The following TTBK2 variants were observed in gnomAD, a reference collection of about 807,000 sequenced individuals.
TTBK2 encodes tau-tubulin kinase 2.
TTBK2 carries 28 observed loss-of-function variants against 110.8 expected under a neutral mutation model. The ratio of observed to expected loss-of-function variants is 0.25; its 90% CI spans 0.19 to 0.35. The LOEUF is 0.35. Among genes scored for constraint, TTBK2 ranks in the 10% least tolerant of loss-of-function variants. TTBK2 has a pLI of 1.00. For synonymous variants in TTBK2, 532 were observed against 527.3 expected, an observed-to-expected ratio of 1.01 and a Z score of -0.12; for missense variants, 1,369 against 1,500.3, an observed-to-expected ratio of 0.91 and a Z score of 1.45.
chr15:42,911,702 G>C (rs899225269), intron 1 of TTBK2, among the ~76,000 whole-genome samples: 3 of 152,162 alleles, frequency 2.0e-5, no homozygotes, highest in Non-Finnish European at 4.4e-5. Flanking sequence ...CCAACCCACA[G>C]AACAGTTAAC....
chr15:42,746,295 C>A lies in TTBK2; in HGVS notation c.3273-38G>T, dbSNP rs757938427. ...GAGAAAATATATTTTAATTTTAATT[C>A]ATTTCAAGTGTGCCTAAAAAGTCAC... On this transcript the variant is annotated intron_variant, in intron 14 of 14. Coordinates refer to ENST00000267890, the MANE Select transcript of TTBK2 (RefSeq NM_173500.4). 1.5e-5 allele frequency: 23 copies of A among 1,501,228 alleles called. No individual in the cohort carries two copies. In the South Asian group the frequency reaches 2.3e-4, roughly 15 times the overall value. The allele number at this position is 1,501,228 out of a possible 1,614,324, so 93.0% of individuals were successfully genotyped here.
Position 42,840,342 on chromosome 15 carries a change from G to GT in TTBK2, c.291+17dup, listed in dbSNP as rs1426103955. 6.2e-7 allele frequency: 1 copy of GT among 1,607,614 alleles called. No homozygotes were observed. The highest frequency in any genetic ancestry group is 2.2e-5 in the East Asian group (1 of 44,788). Reference sequence around the variant, plus strand: ...TCAAAACTGAAGAATTTAAAGATACGTTTTCAAGGTAACCTACCTGCAACT... The same window carrying GT: ...TCAAAACTGAAGAATTTAAAGATACGTTTTTCAAGGTAACCTACCTGCAACT... On this transcript the variant is annotated intron_variant, in intron 4 of 14. Transcript: ENST00000267890.
intron 3 of TTBK2, among the ~76,000 whole-genome samples, chr15:42,856,546 T>G (rs977602100): frequency 1.3e-5 from 2 of 152,142 alleles, no homozygotes; most frequent in Non-Finnish European, 2.9e-5. Context: ...TGGATAGATA[T>G]GAGATGGTAT....
At chr15:42,875,862 C>T (rs190094844) in intron 2 of TTBK2, among the ~76,000 whole-genome samples, 170 of 146,286 alleles carry the variant, frequency 1.2e-3, no homozygotes, top group African/African-American at 4.2e-3. Flanking sequence ...GCTGAGATCA[C>T]GCCTCTGCAC....
At chr15:42,797,286 T>C (rs1398319662) in intron 9 of TTBK2, among the ~76,000 whole-genome samples, 3 of 152,246 alleles carry the variant, frequency 2.0e-5, no homozygotes, top group Non-Finnish European at 2.9e-5. Context: ...TCAGATGTCC[T>C]TTTATCATGG....
In TTBK2 at chr15:42,752,744, C is replaced by T. The variant is rs768078021; in HGVS notation, c.2502G>A (p.Val834=). Residue 834 remains valine (V), a synonymous_variant, in exon 14 of 15, where the codon GTG becomes GTA. Coordinates refer to ENST00000267890, the MANE Select transcript of TTBK2 (RefSeq NM_173500.4). Reference sequence around the variant, plus strand: ...TCTCATTATTTTTGTCTTGATTTGGCACCACACTAAAAGTCTGTGTTTTTG... The same window carrying T: ...TCTCATTATTTTTGTCTTGATTTGGTACCACACTAAAAGTCTGTGTTTTTG... ...DVTKTQTFSV[V]PNQDKNNEIM... The T allele has an allele frequency of 1.2e-6, 2 of 1,614,158 alleles. No homozygotes were observed. Among genetic ancestry groups the T allele is most frequent in the Non-Finnish European group, 8.5e-7 (1 of 1,180,034 alleles).
chr15:42,915,247 G>A (rs962752229), intron 1 of TTBK2, among the ~76,000 whole-genome samples: 1 of 152,188 alleles, frequency 6.6e-6, no homozygotes, highest in African/African-American at 2.4e-5. Flanking sequence ...CACCTAGGAC[G>A]TGAACCATCC....
intron 14 of TTBK2, among the ~76,000 whole-genome samples, chr15:42,748,411 C>T (rs993653361): frequency 1.3e-4 from 20 of 151,756 alleles, no homozygotes; most frequent in Non-Finnish European, 2.5e-4. Flanking sequence ...GAGCCGGGAT[C>T]GCACCACTGC....
chr15:42,770,201 A>T (rs529099985), intron 13 of TTBK2, among the ~76,000 whole-genome samples: 29 of 152,254 alleles, frequency 1.9e-4, no homozygotes, highest in Non-Finnish European at 1.9e-4. Context: ...CCTATGTAAC[A>T]AACCTGCACG....
chr15:42,816,989 A>G, intron 7 of TTBK2, 43 bp downstream of exon 7: 1 of 1,368,804 alleles, frequency 7.3e-7, no homozygotes, highest in South Asian at 1.4e-5. Flanking sequence ...GATTTAAGCT[A>G]TTAGCATACT....
At chr15:42,867,231 G>A (rs1401567150) in intron 3 of TTBK2, among the ~76,000 whole-genome samples, 1 of 148,554 alleles carries the variant, frequency 6.7e-6, no homozygotes. Context: ...GGGTGACAGA[G>A]GGAGACTCCG....
intron 13 of TTBK2, among the ~76,000 whole-genome samples, chr15:42,771,190 G>A (rs1889655274): frequency 6.6e-6 from 1 of 151,976 alleles, no homozygotes; most frequent in African/African-American, 2.4e-5. Flanking sequence ...GGCCAGGCTG[G>A]TCTTGAACTC....
intron 1 of TTBK2, among the ~76,000 whole-genome samples, chr15:42,918,278 G>A (rs1470301329): frequency 1.3e-5 from 2 of 151,970 alleles, no homozygotes; most frequent in East Asian, 1.9e-4. Context: ...TGTTACTTAG[G>A]CTGGTCTCAA....
At chr15:42,773,798 G>A (rs1889780854) in intron 13 of TTBK2, among the ~76,000 whole-genome samples, 1 of 152,162 alleles carries the variant, frequency 6.6e-6, no homozygotes, top group South Asian at 2.1e-4. Flanking sequence ...TGGGTTGGGA[G>A]AAAGGATGAA....
intron 9 of TTBK2, among the ~76,000 whole-genome samples, chr15:42,810,260 T>A (rs144490813): frequency 2.6e-5 from 4 of 152,336 alleles, no homozygotes; most frequent in Non-Finnish European, 5.9e-5. Context: ...GACAGATGCA[T>A]TACCTAGTTG....
chr15:42,806,454 A>T (rs1004397218), intron 9 of TTBK2, among the ~76,000 whole-genome samples: 2 of 152,324 alleles, frequency 1.3e-5, no homozygotes, highest in East Asian at 3.9e-4. Flanking sequence ...TAACACTTCC[A>T]ACGCTTTGTG....
intron 3 of TTBK2, among the ~76,000 whole-genome samples, chr15:42,868,862 A>G (rs1171999450): frequency 6.8e-6 from 1 of 146,112 alleles, no homozygotes; most frequent in Non-Finnish European, 1.5e-5. Flanking sequence ...CCTTGTCTCA[A>G]AAATAAATAA....
chr15:42,856,086 G>T (rs1199591494), intron 3 of TTBK2, among the ~76,000 whole-genome samples: 1 of 152,166 alleles, frequency 6.6e-6, no homozygotes, highest in Non-Finnish European at 1.5e-5. Context: ...GGAAACAAAT[G>T]ATGGAATAAC....
At chr15:42,805,651 T>A (rs1293842212) in intron 9 of TTBK2, among the ~76,000 whole-genome samples, 1 of 152,178 alleles carries the variant, frequency 6.6e-6, no homozygotes, top group African/African-American at 2.4e-5. Flanking sequence ...GTCAAGGCCA[T>A]CATCATCTTG....
Sources: allele counts gnomAD v4.1 joint callset (sites outside exome capture counted in the v4.1 genomes callset), GRCh38; gene constraint gnomAD v4.1.1; transcripts MANE v1.5; gene names NCBI Gene and HGNC (gene_info 2026-07-23, HGNC 2026-07-21).